The following AFG2A variants were observed in gnomAD, a reference collection of about 807,000 sequenced individuals.
AFG2A encodes the protein AAA ATPase AFG2A, also known as ATPase family gene 2 protein homolog A.
chr4:123,211,672 C>T, the AFG2A span, among the ~76,000 whole-genome samples: 23 of 152,172 alleles, frequency 1.5e-4, no homozygotes, highest in African/African-American at 4.6e-4. Context: ...TTCACCTAAA[C>T]TCATAATTTT....
At chr4:123,036,582 G>A in the AFG2A span, among the ~76,000 whole-genome samples, 1 of 152,094 alleles carries the variant, frequency 6.6e-6, no homozygotes, top group Non-Finnish European at 1.5e-5. Flanking sequence ...AAAGGAGACT[G>A]AGAGTGACAA....
chr4:123,232,767 TGTC>T, the AFG2A span, among the ~76,000 whole-genome samples: 1 of 152,048 alleles, frequency 6.6e-6, no homozygotes, highest in African/African-American at 2.4e-5. Flanking sequence ...TGCAATGTTA[TGTC>T]GTGGCAGAAT....
the AFG2A span, among the ~76,000 whole-genome samples, chr4:123,206,379 G>A: frequency 2.0e-5 from 3 of 152,078 alleles, no homozygotes; most frequent in African/African-American, 7.2e-5. Flanking sequence ...GACTCTGTAA[G>A]TGTGCCCGAT....
At chr4:123,247,665 C>T in the AFG2A span, among the ~76,000 whole-genome samples, 1 of 152,040 alleles carries the variant, frequency 6.6e-6, no homozygotes, top group East Asian at 1.9e-4. Context: ...TGAGCTCAAG[C>T]GATCTGCCTG....
the AFG2A span, among the ~76,000 whole-genome samples, chr4:123,038,127 TCTAA>T: frequency 2.6e-5 from 4 of 152,226 alleles, no homozygotes; most frequent in South Asian, 2.1e-4. Flanking sequence ...GGGCAGTTTC[TCTAA>T]CTGTCAAGTG....
chr4:123,242,909 AAAC>A, the AFG2A span, among the ~76,000 whole-genome samples: 671 of 152,194 alleles, frequency 4.4e-3, 10 homozygotes, highest in Non-Finnish European at 3.0e-3. Flanking sequence ...ACAAGAAAAA[AAAC>A]AACCCCATCA....
At chr4:123,143,334 C>T in the AFG2A span, among the ~76,000 whole-genome samples, 2 of 152,030 alleles carry the variant, frequency 1.3e-5, no homozygotes, top group Non-Finnish European at 2.9e-5. Flanking sequence ...AAGTTTTCAG[C>T]AGTCGTCGCT....
At chr4:123,273,277 C>T in the AFG2A span, among the ~76,000 whole-genome samples, 16 of 152,088 alleles carry the variant, frequency 1.1e-4, no homozygotes, top group Admixed American at 1.0e-3. Flanking sequence ...TATAGAAAGT[C>T]TGATCCCTCT....
chr4:123,013,020 G>C, the AFG2A span, among the ~76,000 whole-genome samples: 2 of 152,268 alleles, frequency 1.3e-5, no homozygotes, highest in African/African-American at 4.8e-5. Context: ...TATTTCACCT[G>C]GGTGTCGGCG....
chr4:123,009,651 G>A, the AFG2A span, among the ~76,000 whole-genome samples: 3 of 152,008 alleles, frequency 2.0e-5, no homozygotes, highest in Non-Finnish European at 4.4e-5. Flanking sequence ...ATTTTTGATG[G>A]CCTTGACGAT....
the AFG2A span, among the ~76,000 whole-genome samples, chr4:123,074,645 A>C: frequency 1.3e-5 from 2 of 152,094 alleles, no homozygotes; most frequent in Middle Eastern, 3.4e-3. Flanking sequence ...GTGAAATTCA[A>C]CTTTTTAAAA....
chr4:123,109,580 G>A, the AFG2A span, among the ~76,000 whole-genome samples: 2 of 152,106 alleles, frequency 1.3e-5, no homozygotes, highest in African/African-American at 4.8e-5. Context: ...CATAGGAAAA[G>A]ATTATATCAA....
the AFG2A span, among the ~76,000 whole-genome samples, chr4:123,211,538 C>T: frequency 6.6e-6 from 1 of 152,144 alleles, no homozygotes; most frequent in Non-Finnish European, 1.5e-5. Context: ...AACATACAAG[C>T]TGGAAAGCAC....
At chr4:122,979,557 G>A in the AFG2A span, among the ~76,000 whole-genome samples, 3 of 152,148 alleles carry the variant, frequency 2.0e-5, no homozygotes, top group African/African-American at 7.2e-5. Context: ...AGTAATGTAG[G>A]GAGATTCTGT....
At chr4:123,298,319 C>T in the AFG2A span, among the ~76,000 whole-genome samples, 816 of 152,254 alleles carry the variant, frequency 5.4e-3, 7 homozygotes, top group African/African-American at 0.018. Context: ...AGCCAAAGTA[C>T]GGAGAGAAGC....
At chr4:122,940,557 G>A in the AFG2A span, among the ~76,000 whole-genome samples, 9 of 152,200 alleles carry the variant, frequency 5.9e-5, no homozygotes, top group South Asian at 2.1e-4. Flanking sequence ...AGTAGGTTGC[G>A]AAAATTTTCT....
the AFG2A span, among the ~76,000 whole-genome samples, chr4:122,924,819 G>C: frequency 6.6e-6 from 1 of 151,870 alleles, no homozygotes; most frequent in African/African-American, 2.4e-5. Flanking sequence ...TCACAGATCA[G>C]CACTTTTCTA....
chr4:123,247,203 G>T, the AFG2A span, among the ~76,000 whole-genome samples: 1 of 146,404 alleles, frequency 6.8e-6, no homozygotes, highest in African/African-American at 2.5e-5. Context: ...TATGTAAAGG[G>T]TGTGTGTGCT....
At chr4:123,143,425 C>T in the AFG2A span, among the ~76,000 whole-genome samples, 360 of 152,122 alleles carry the variant, frequency 2.4e-3, 1 homozygote, top group African/African-American at 8.5e-3. Flanking sequence ...TAACGTATAT[C>T]ACATCTGTGC....
Sources: allele counts gnomAD v4.1 joint callset (sites outside exome capture counted in the v4.1 genomes callset), GRCh38; gene constraint gnomAD v4.1.1; transcripts MANE v1.5; gene names NCBI Gene and HGNC (gene_info 2026-07-23, HGNC 2026-07-21).